The following BDP1 variants were observed in gnomAD, a reference collection of about 807,000 sequenced individuals.
BDP1 encodes BDP1 general transcription factor IIIB subunit.
BDP1 carries 169 observed loss-of-function variants against 266.6 expected under a neutral mutation model. That is an observed-to-expected ratio of 0.63 (90% CI 0.56 to 0.72). The LOEUF is 0.72. Ranked by LOEUF, BDP1 falls within the 30% of genes least tolerant of loss-of-function variation. The probability of loss-of-function intolerance (pLI) is 0.00; values close to 1 mark genes in which losing one functional copy is unlikely to be tolerated. For missense variants in BDP1, 3,015 were observed against 3,053.8 expected (o/e 0.99, Z 0.30); for synonymous variants, 1,090 against 1,022.4 (o/e 1.07, Z -1.26).
chr5:71,502,245 G>T (rs1764294234), intron 14 of BDP1, among the ~76,000 whole-genome samples: 1 of 135,528 alleles, frequency 7.4e-6, no homozygotes, highest in Non-Finnish European at 1.5e-5. Context: ...TGCAGTCTCT[G>T]CTCACTGCAA....
intron 25 of BDP1, among the ~76,000 whole-genome samples, chr5:71,525,308 A>T (rs1252654819): frequency 8.4e-6 from 1 of 118,578 alleles, no homozygotes; most frequent in Non-Finnish European, 1.8e-5. Flanking sequence ...CTGGCCGGGC[A>T]GAGGGGCTCC....
intron 9 of BDP1, among the ~76,000 whole-genome samples, chr5:71,487,135 A>T (rs937025791): frequency 6.6e-6 from 1 of 152,216 alleles, no homozygotes; most frequent in African/African-American, 2.4e-5. Context: ...ACTCTGGTCT[A>T]TAAGGACAAT....
intron 9 of BDP1, among the ~76,000 whole-genome samples, chr5:71,488,033 CT>C (rs961113328): frequency 2.7e-5 from 4 of 149,394 alleles, no homozygotes; most frequent in East Asian, 2.0e-4. Context: ...TCTTAGTAGT[CT>C]TTTTTTTTTA....
At position 71,481,435 on chromosome 5, in the gene BDP1, G is replaced by A. The variant is rs372050780; in HGVS notation, c.1015-2407G>A. On this transcript the variant is annotated intron_variant, in intron 7 of 38. Coordinates refer to ENST00000358731, the MANE Select transcript of BDP1 (RefSeq NM_018429.3). ...AAAAAAGCCAGGCTTGGTGGCACACGTCCCCTAGCAATTCAGGAGGCTGAG... is the reference window on the plus strand; with the variant it reads ...AAAAAAGCCAGGCTTGGTGGCACACATCCCCTAGCAATTCAGGAGGCTGAG... Among the ~76,000 whole-genome samples the A allele has an allele frequency of 2.2e-4, 31 of 142,378 alleles. No individual in the cohort carries two copies. The East Asian group carries it at 6.1e-3, about 28-fold the overall frequency. The allele number at this position is 142,378 out of a possible 152,430, so 93.4% of individuals were successfully genotyped here. A position where few individuals can be genotyped will look rare whatever the true frequency, so the allele number is the denominator to read the frequency against.
Position 71,495,335 on chromosome 5 carries a change from G to T in BDP1, c.1726G>T (p.Ala576Ser), listed in dbSNP as rs2150421761. ...GCCTTCATTCGAAGTTGGAATTAGA[G>T]CATTGTGTGAGGTGAATAATGCTGA... ...DLPSFEVGIR[A>S]LCEVNNAEGS... Residue 576 changes from alanine to serine, a missense_variant, in exon 12 of 39, where the codon GCA (alanine) becomes TCA (serine). Around this residue, in one of 3 missense-constraint regions of BDP1, gnomAD observed 2,383 missense variants for 2,404.9 expected, o/e 0.99. Coordinates refer to ENST00000358731, the MANE Select transcript of BDP1 (RefSeq NM_018429.3). The T allele has an allele frequency of 6.2e-7, 1 of 1,608,336 alleles. No homozygotes were observed. The highest frequency in any genetic ancestry group is 8.5e-7 in the Non-Finnish European group (1 of 1,176,744).
intron 12 of BDP1, among the ~76,000 whole-genome samples, chr5:71,496,803 G>C (rs542329214): frequency 6.6e-6 from 1 of 152,022 alleles, no homozygotes; most frequent in Non-Finnish European, 1.5e-5. Context: ...GGCTGGTCTC[G>C]AACTCCTGAC....
At position 71,458,240 on chromosome 5, in the gene BDP1, T is replaced by A. The variant is rs147691892; in HGVS notation, c.213-339T>A. Among the ~76,000 whole-genome samples the A allele has an allele frequency of 4.2e-3, 643 of 152,206 alleles. 5 individuals carry two copies. Among genetic ancestry groups the A allele is most frequent in the African/African-American group, 0.015 (610 of 41,558 alleles). Reference sequence around the variant, plus strand: ...TATATAGAAATTAATTATAAATTATTACTTTGTTACTTAGTAATTCAAATT... The same window carrying A: ...TATATAGAAATTAATTATAAATTATAACTTTGTTACTTAGTAATTCAAATT... On this transcript the variant is annotated intron_variant, in intron 1 of 38. Coordinates refer to ENST00000358731, the MANE Select transcript of BDP1 (RefSeq NM_018429.3).
downstream of BDP1, among the ~76,000 whole-genome samples, chr5:71,571,573 C>A (rs539558488): frequency 6.6e-6 from 1 of 152,262 alleles, no homozygotes; most frequent in East Asian, 1.9e-4. Flanking sequence ...GCATCAGAAT[C>A]ACCTTGGAGG....
At chr5:71,557,187 T>TTC (rs1235431184) in intron 36 of BDP1, among the ~76,000 whole-genome samples, 1 of 151,944 alleles carries the variant, frequency 6.6e-6, no homozygotes, top group Non-Finnish European at 1.5e-5. Flanking sequence ...ACTTTAGGAG[T>TTC]TAGCTGAATG....
Position 71,495,262 on chromosome 5 carries a change from T to C in BDP1, c.1653T>C (p.Asp551=). The C allele has an allele frequency of 5.1e-6, 8 of 1,562,722 alleles. No individual in the cohort carries two copies. Among genetic ancestry groups the C allele is most frequent in the Non-Finnish European group, 6.9e-6 (8 of 1,154,364 alleles). ...DPILSLSNQQ[D]ATSVATESSE... ...TTCTTTTTTTTAGTAATCAACAAGA[T>C]GCCACATCAGTAGCAACTGAGTCTT... is the stretch of plus-strand genomic sequence containing the variant. Residue 551 remains aspartate (D), a synonymous_variant, in exon 12 of 39, where the codon GAT becomes GAC. Transcript: ENST00000358731.
At chr5:71,484,771 G>T in intron 8 of BDP1, among the ~76,000 whole-genome samples, 1 of 151,884 alleles carries the variant, frequency 6.6e-6, no homozygotes, top group African/African-American at 2.4e-5. Context: ...ACAATTATCA[G>T]TATTTTATGA....
rs1272543354 is a variant in BDP1 at position 71,489,490 on chromosome 5, G to A, written c.1300G>A (p.Asp434Asn). The part of the protein sequence containing the change: ...RISDTERSQK[D>N]AQTVEEESLT... ...TTCAGACACGGAAAGATCTCAGAAG[G>A]ATGCTCAGACAGTTGAAGAAGAGTC... Residue 434 changes from aspartate to asparagine, a missense_variant, in exon 10 of 39, where the codon GAT becomes AAT. Asp to Asn is a conservative substitution (Grantham distance 23). Transcript: ENST00000358731. 1 of 1,614,082 alleles carries A rather than the reference G, an allele frequency of 6.2e-7. No individual in the cohort carries two copies. The highest frequency in any genetic ancestry group is 2.2e-5 in the East Asian group (1 of 44,866).
intron 25 of BDP1, among the ~76,000 whole-genome samples, chr5:71,530,742 T>G (rs1766193828): frequency 6.6e-6 from 1 of 152,192 alleles, no homozygotes; most frequent in South Asian, 2.1e-4. Context: ...CTCTAAATTT[T>G]GTATCTGAGG....
intron 18 of BDP1, 48 bp downstream of exon 18, chr5:71,512,476 T>G (rs769526004): frequency 7.8e-7 from 1 of 1,282,708 alleles, no homozygotes; most frequent in South Asian, 1.8e-5. Context: ...TAGTTGCAGA[T>G]TACGTTAAAC....
downstream of BDP1, among the ~76,000 whole-genome samples, chr5:71,569,572 C>T (rs948353894): frequency 7.2e-5 from 11 of 152,086 alleles, no homozygotes; most frequent in Non-Finnish European, 1.6e-4. Flanking sequence ...CATGGCAAAA[C>T]CCCTTGTCTA....
intron 7 of BDP1, among the ~76,000 whole-genome samples, chr5:71,473,400 G>A (rs954742959): frequency 6.7e-6 from 1 of 148,514 alleles, no homozygotes; most frequent in Admixed American, 6.8e-5. Context: ...TCAGCCTCCC[G>A]AGTAGCTGGG....
chr5:71,557,029 T>C, intron 36 of BDP1, 104 bp downstream of exon 36: 1 of 564,278 alleles, frequency 1.8e-6, no homozygotes, highest in Non-Finnish European at 2.9e-6. Context: ...ATTCCTTTTC[T>C]CCAAGAGTAA....
At chr5:71,552,308 CG>C (rs1561783729) in intron 34 of BDP1, among the ~76,000 whole-genome samples, 1 of 145,366 alleles carries the variant, frequency 6.9e-6, no homozygotes, top group African/African-American at 2.5e-5. Flanking sequence ...GGATGGTGGC[CG>C]GGAAGAGGCG....
chr5:71,489,598 G>C lies in BDP1; in HGVS notation c.1408G>C (p.Asp470His), dbSNP rs1763463948. 6.2e-7 allele frequency: 1 copy of C among 1,613,986 alleles called. No individual in the cohort carries two copies. Among genetic ancestry groups the C allele is most frequent in the South Asian group, 1.1e-5 (1 of 91,082 alleles). Residue 470 changes from aspartate to histidine, a missense_variant, in exon 10 of 39, where the codon GAT (aspartate) becomes CAT (histidine). Around this residue, in one of 3 missense-constraint regions of BDP1, gnomAD observed 2,383 missense variants for 2,404.9 expected, o/e 0.99. Transcript: ENST00000358731. ...AAAGAAAAGAAGGAGGAAGAAGCAA[G>C]ATGGAGCTAATGAACTGGGAGTAAA... ...NQKKRRRKKQ[D>H]GANELGVNNL...
Sources: allele counts gnomAD v4.1 joint callset (sites outside exome capture counted in the v4.1 genomes callset), GRCh38; gene constraint gnomAD v4.1.1; regional missense constraint gnomAD v4.1.1; transcripts MANE v1.5; gene names NCBI Gene and HGNC (gene_info 2026-07-23, HGNC 2026-07-21).